Variants in DCLK2 observed in about 807,000 individuals in gnomAD.
DCLK2 encodes the protein doublecortin like kinase 2.
Under a neutral mutation model 78.4 loss-of-function variants are expected in DCLK2, and 31 were observed. The ratio of observed to expected loss-of-function variants is 0.40; its 90% confidence interval spans 0.30 to 0.53. DCLK2 has a LOEUF of 0.53. Ranked by LOEUF, DCLK2 falls within the 20% of genes least tolerant of loss-of-function variation. DCLK2 has a pLI of 0.61. For missense variants in DCLK2, 872 were observed against 973.7 expected (o/e 0.90, Z 1.39); for synonymous variants, 407 against 374.9 (o/e 1.09, Z -0.99).
chr4:150,099,404 A>G (rs1247126473), intron 1 of DCLK2, among the ~76,000 whole-genome samples: 1 of 152,222 alleles, frequency 6.6e-6, no homozygotes, highest in Admixed American at 6.5e-5. Flanking sequence ...CAGGGAACCA[A>G]CATCTTAAGT....
rs1378760105 is a variant in DCLK2 at position 150,190,053 on chromosome 4, G to GAAAAAAAAAAAAAAA, written c.757-3085_757-3084insAAAAAAAAAAAAAAA. Among the ~76,000 whole-genome samples, 8 of 12,978 alleles carry GAAAAAAAAAAAAAAA rather than the reference G, an allele frequency of 6.2e-4. 1 individual carries two copies. The highest frequency in any genetic ancestry group is 1.5e-3 in the African/African-American group (8 of 5,308). 8.5% of individuals were successfully genotyped at this position (12,978 alleles called of 152,430 possible). A position where few individuals can be genotyped will look rare whatever the true frequency, so the allele number is the denominator to read the frequency against. ...CTGTCTCAAAAAAAAAAAAAAAAAGGCCAAGTGTGGTGGCTGTGGTCCCAG... is the reference window on the plus strand; with the variant it reads ...CTGTCTCAAAAAAAAAAAAAAAAAGGAAAAAAAAAAAAAAACCAAGTGTGGTGGCTGTGGTCCCAG... On this transcript the variant is annotated intron_variant, in intron 2 of 15. Transcript: ENST00000296550.
chr4:150,105,437 G>A (rs140270634), intron 2 of DCLK2, among the ~76,000 whole-genome samples: 81 of 151,460 alleles, frequency 5.3e-4, no homozygotes, highest in Middle Eastern at 6.8e-3. Context: ...CAAGTGAGAT[G>A]TTTTAATATT....
At chr4:150,118,878 G>A (rs1732305544) in intron 2 of DCLK2, among the ~76,000 whole-genome samples, 1 of 152,010 alleles carries the variant, frequency 6.6e-6, no homozygotes, top group Non-Finnish European at 1.5e-5. Flanking sequence ...ACAAAAATTA[G>A]CTGGGCATGG....
intron 1 of DCLK2, among the ~76,000 whole-genome samples, chr4:150,094,117 G>A (rs1354313180): frequency 6.6e-6 from 1 of 152,128 alleles, no homozygotes; most frequent in Non-Finnish European, 1.5e-5. Flanking sequence ...AAACATAAGG[G>A]AAAAGTTTCA....
intron 2 of DCLK2, among the ~76,000 whole-genome samples, chr4:150,158,857 CAAAAA>C (rs931681995): frequency 6.6e-6 from 1 of 150,884 alleles, no homozygotes; most frequent in African/African-American, 2.4e-5. Context: ...GACACCATCT[CAAAAA>C]AGAAAAGAAA....
chr4:150,233,144 CAATCATG>C (rs1742213543), intron 10 of DCLK2, among the ~76,000 whole-genome samples: 1 of 152,138 alleles, frequency 6.6e-6, no homozygotes, highest in African/African-American at 2.4e-5. Flanking sequence ...AGGAGACTTA[CAATCATG>C]GCGGAAGGCG....
intron 12 of DCLK2, among the ~76,000 whole-genome samples, 190 bp downstream of exon 12, chr4:150,240,666 G>A (rs565330251): frequency 6.6e-6 from 1 of 150,574 alleles, no homozygotes; most frequent in African/African-American, 2.4e-5. Flanking sequence ...GAGTTAGTGG[G>A]TGCAGCGCAC....
intron 2 of DCLK2, among the ~76,000 whole-genome samples, chr4:150,114,104 A>C (rs1017758368): frequency 6.6e-6 from 1 of 152,168 alleles, no homozygotes; most frequent in African/African-American, 2.4e-5. Context: ...TGGTCTGAGA[A>C]GATACTTGAA....
chr4:150,178,366 T>C (rs1402344308), intron 2 of DCLK2, among the ~76,000 whole-genome samples: 3 of 152,230 alleles, frequency 2.0e-5, no homozygotes, highest in Non-Finnish European at 1.5e-5. Context: ...AATTGTGGTG[T>C]ATGCCTCAGC....
chr4:150,127,725 A>G (rs1165688939), intron 2 of DCLK2, among the ~76,000 whole-genome samples: 1 of 151,966 alleles, frequency 6.6e-6, no homozygotes, highest in Non-Finnish European at 1.5e-5. Flanking sequence ...CCTGATTTTG[A>G]TTCTTTGCAC....
chr4:150,119,160 C>T (rs1268156656), intron 2 of DCLK2, among the ~76,000 whole-genome samples: 1 of 152,048 alleles, frequency 6.6e-6, no homozygotes, highest in African/African-American at 2.4e-5. Context: ...TTCTTTCTTA[C>T]CGTACTCTTC....
chr4:150,183,427 T>A (rs987766810), intron 2 of DCLK2, among the ~76,000 whole-genome samples: 9 of 152,222 alleles, frequency 5.9e-5, no homozygotes, highest in African/African-American at 2.2e-4. Flanking sequence ...AGAGATTTAA[T>A]TCTTGAAAGA....
At chr4:150,138,281 A>G (rs891957724) in intron 2 of DCLK2, among the ~76,000 whole-genome samples, 5 of 152,202 alleles carry the variant, frequency 3.3e-5, no homozygotes, top group Admixed American at 6.5e-5. Context: ...TGTGCAAGGT[A>G]GGTAATCTAT....
In DCLK2 at chr4:150,078,935, T is replaced by C; in HGVS notation, c.-93T>C. On this transcript the variant is annotated 5_prime_UTR_variant, in exon 1 of 16. An upstream open reading frame in the 5' UTR loses its in-frame stop. Transcript: ENST00000296550. ...GCCAGAGCCAGGTGTCCCGGCGCGT[T>C]AAGGGCCCTCGCAGTCAGACGTCCC... 1 of 1,399,096 alleles carries C rather than the reference T, an allele frequency of 7.1e-7. No homozygotes were observed. The highest frequency in any genetic ancestry group is 9.4e-7 in the Non-Finnish European group (1 of 1,068,498). The allele number at this position is 1,399,096 out of a possible 1,614,324, so 86.7% of individuals were successfully genotyped here. A position where few individuals can be genotyped will look rare whatever the true frequency, so the allele number is the denominator to read the frequency against.
intron 10 of DCLK2, among the ~76,000 whole-genome samples, chr4:150,239,236 T>C (rs892707597): frequency 6.6e-6 from 1 of 152,150 alleles, no homozygotes; most frequent in Non-Finnish European, 1.5e-5. Context: ...TTTCACACAA[T>C]TGTGCAAAAT....
At chr4:150,131,623 G>A (rs769873016) in intron 2 of DCLK2, among the ~76,000 whole-genome samples, 8 of 152,176 alleles carry the variant, frequency 5.3e-5, no homozygotes, top group African/African-American at 1.9e-4. Flanking sequence ...ATTTGAGCCT[G>A]GGACAATCCT....
At chr4:150,214,440 A>T (rs999117101) in intron 5 of DCLK2, among the ~76,000 whole-genome samples, 2 of 152,206 alleles carry the variant, frequency 1.3e-5, no homozygotes, top group Non-Finnish European at 2.9e-5. Context: ...TGCAAGAATT[A>T]TCTTGGAGGA....
intron 7 of DCLK2, among the ~76,000 whole-genome samples, chr4:150,223,816 G>T (rs945442204): frequency 6.6e-6 from 1 of 152,030 alleles, no homozygotes; most frequent in African/African-American, 2.4e-5. Context: ...TCTCTCTAGT[G>T]CCAGGAAAGA....
chr4:150,222,572 T>C (rs1285840676), intron 7 of DCLK2, among the ~76,000 whole-genome samples: 1 of 151,940 alleles, frequency 6.6e-6, no homozygotes, highest in Admixed American at 6.6e-5. Context: ...CCAGGCCTGG[T>C]GGCTAGCTCA....
Sources: gnomAD v4.1 joint callset for allele counts (sites outside exome capture counted in the v4.1 genomes callset) on GRCh38, gnomAD v4.1.1 for gene constraint, MANE v1.5 for transcripts, NCBI Gene and HGNC (gene_info 2026-07-23, HGNC 2026-07-21) for gene names.